The following ARHGEF3 variants were observed in gnomAD, a reference collection of about 807,000 sequenced individuals.
The protein encoded by ARHGEF3 is Rho guanine nucleotide exchange factor 3.
In ARHGEF3, 28 loss-of-function variants were observed where a neutral mutation model predicts 63.2. That is an observed-to-expected ratio of 0.44 (90% CI 0.33 to 0.61). The LOEUF (loss-of-function observed/expected upper bound fraction) is 0.61. ARHGEF3 is among the 20% of genes least tolerant of loss of function. ARHGEF3 has a pLI of 0.03. For synonymous variants in ARHGEF3, 266 were observed against 254.2 expected, an observed-to-expected ratio of 1.05 and a Z score of -0.44; for missense variants, 533 against 659.3, an observed-to-expected ratio of 0.81 and a Z score of 2.10.
intron 2 of ARHGEF3, among the ~76,000 whole-genome samples, chr3:57,003,666 G>A (rs901779539): frequency 6.6e-5 from 10 of 152,166 alleles, no homozygotes; most frequent in Admixed American, 1.3e-4. Flanking sequence ...GAGATGGGGT[G>A]TATCGTGGAT....
chr3:56,852,514 G>A (rs564983233), intron 4 of ARHGEF3, among the ~76,000 whole-genome samples: 7 of 152,186 alleles, frequency 4.6e-5, no homozygotes, highest in East Asian at 1.9e-4. Flanking sequence ...GCGTGTACAC[G>A]TGCACACACA....
intron 4 of ARHGEF3, among the ~76,000 whole-genome samples, chr3:56,871,304 AAAAAT>A (rs1207430074): frequency 6.6e-6 from 1 of 152,180 alleles, no homozygotes; most frequent in African/African-American, 2.4e-5. Context: ...TTCATCTCTA[AAAAAT>A]AAAATATTTT....
At chr3:57,027,666 C>A (rs1299132274) in intron 2 of ARHGEF3, among the ~76,000 whole-genome samples, 1 of 151,972 alleles carries the variant, frequency 6.6e-6, no homozygotes, top group East Asian at 1.9e-4. Flanking sequence ...ATCAGCCTGG[C>A]CAACGTGGTG....
chr3:56,803,795 T>A (rs144258028), upstream of ARHGEF3, among the ~76,000 whole-genome samples: 17 of 152,256 alleles, frequency 1.1e-4, no homozygotes, highest in East Asian at 3.3e-3. Flanking sequence ...AGTGAGACCC[T>A]GTCTCAAGAG....
chr3:56,789,883 G>A (rs908425014), intron 1 of ARHGEF3, among the ~76,000 whole-genome samples: 4 of 152,152 alleles, frequency 2.6e-5, no homozygotes, highest in African/African-American at 9.7e-5. Flanking sequence ...GTGATGGGGA[G>A]GTGTTAAAGA....
At chr3:57,046,791 G>A (rs1704473215) in intron 1 of ARHGEF3, among the ~76,000 whole-genome samples, 1 of 152,134 alleles carries the variant, frequency 6.6e-6, no homozygotes, top group Non-Finnish European at 1.5e-5. Context: ...GGCCTGTACA[G>A]GGAGTCCAGC....
Position 57,042,700 on chromosome 3 carries a change from A to ATTT in ARHGEF3, c.-27-7527_-27-7525dup, listed in dbSNP as rs869145503. Among the ~76,000 whole-genome samples the ATTT allele has an allele frequency of 9.4e-4, 62 of 66,120 alleles. 1 individual carries two copies. Among genetic ancestry groups the ATTT allele is most frequent in the African/African-American group, 1.3e-3 (26 of 20,008 alleles). 43.4% of individuals were successfully genotyped at this position (66,120 alleles called of 152,430 possible). A position where few individuals can be genotyped will look rare whatever the true frequency, so the allele number is the denominator to read the frequency against. On this transcript the variant is annotated intron_variant, in intron 1 of 12. Transcript: ENST00000338458. ...TATATATATATATATATATATATAT[A>ATTT]TTTTTTTTTTTTTTTAGACGGAGTC...
intron 2 of ARHGEF3, among the ~76,000 whole-genome samples, chr3:57,002,510 A>ATGTTATATATATG (rs1560123114): frequency 2.1e-5 from 2 of 96,988 alleles, no homozygotes; most frequent in Non-Finnish European, 4.2e-5. Context: ...ATATATATAT[A>ATGTTATATATATG]TATGTTATAT....
intron 3 of ARHGEF3, among the ~76,000 whole-genome samples, chr3:56,930,912 C>T (rs1436929893): frequency 1.4e-4 from 22 of 152,048 alleles, no homozygotes; most frequent in Admixed American, 6.6e-5. Context: ...AAAGAAAGAG[C>T]GAATCGAGGA....
chr3:56,915,827 A>C (rs576605213), intron 3 of ARHGEF3, among the ~76,000 whole-genome samples: 40 of 152,324 alleles, frequency 2.6e-4, no homozygotes, highest in Admixed American at 7.8e-4. Flanking sequence ...TTCCAATCCA[A>C]AGAAAAAGAG....
chr3:56,907,120 T>C (rs2041711323), intron 3 of ARHGEF3, among the ~76,000 whole-genome samples: 1 of 151,736 alleles, frequency 6.6e-6, no homozygotes, highest in African/African-American at 2.4e-5. Flanking sequence ...TAGCTGGGAT[T>C]ACAGGCCTGC....
intron 1 of ARHGEF3, among the ~76,000 whole-genome samples, chr3:57,042,987 G>A (rs947572248): frequency 1.7e-4 from 26 of 150,244 alleles, no homozygotes; most frequent in African/African-American, 4.4e-4. Context: ...ATGAGCCACC[G>A]CGCCCAGCCC....
At chr3:56,974,489 C>T (rs1237184528) in intron 2 of ARHGEF3, among the ~76,000 whole-genome samples, 1 of 152,166 alleles carries the variant, frequency 6.6e-6, no homozygotes, top group Non-Finnish European at 1.5e-5. Context: ...AGCTCACTGT[C>T]AGCTGGTCTA....
intron 2 of ARHGEF3, among the ~76,000 whole-genome samples, chr3:57,005,682 C>G (rs1702440819): frequency 6.6e-6 from 1 of 152,194 alleles, no homozygotes; most frequent in Non-Finnish European, 1.5e-5. Flanking sequence ...GGGTCAGGAC[C>G]TGGAGCTGTA....
chr3:56,779,934 G>A (rs952889774), intron 1 of ARHGEF3, among the ~76,000 whole-genome samples: 10 of 152,198 alleles, frequency 6.6e-5, no homozygotes, highest in African/African-American at 2.4e-4. Flanking sequence ...GCTTTACAGG[G>A]AACTTACAAT....
chr3:56,884,727 C>T (rs2040867543), intron 3 of ARHGEF3, among the ~76,000 whole-genome samples: 2 of 152,224 alleles, frequency 1.3e-5, no homozygotes, highest in South Asian at 4.1e-4. Flanking sequence ...TTTGAGGATG[C>T]TTCACGTTTG....
intron 1 of ARHGEF3, among the ~76,000 whole-genome samples, chr3:56,774,152 A>G (rs1337466180): frequency 6.6e-6 from 1 of 152,162 alleles, no homozygotes; most frequent in African/African-American, 2.4e-5. Context: ...TTCTGTAGAG[A>G]AAAGCAGTGT....
chr3:56,777,005 C>T (rs1287566224), intron 1 of ARHGEF3, among the ~76,000 whole-genome samples: 1 of 152,124 alleles, frequency 6.6e-6, no homozygotes, highest in Non-Finnish European at 1.5e-5. Context: ...CTTTTCCAGG[C>T]CTTATAACAT....
chr3:56,993,522 G>A (rs963911505), intron 2 of ARHGEF3, among the ~76,000 whole-genome samples: 1 of 151,832 alleles, frequency 6.6e-6, no homozygotes, highest in Admixed American at 6.6e-5. Context: ...CTACAGGTGC[G>A]TTCCACGATG....
Sources: gnomAD v4.1 joint callset for allele counts (sites outside exome capture counted in the v4.1 genomes callset) on GRCh38, gnomAD v4.1.1 for gene constraint, MANE v1.5 for transcripts, NCBI Gene and HGNC (gene_info 2026-07-23, HGNC 2026-07-21) for gene names.